PIGO: variants seen among roughly 807,000 people sequenced by gnomAD.
PIGO encodes phosphatidylinositol glycan anchor biosynthesis class O.
Under a neutral mutation model 86.9 loss-of-function variants are expected in PIGO, and 66 were observed. That is an observed-to-expected ratio of 0.76 (90% CI 0.62 to 0.93). The LOEUF is 0.93. Among genes scored for constraint, PIGO ranks in the 40% least tolerant of loss-of-function variants. The probability of loss-of-function intolerance (pLI) is 0.00; values close to 1 mark genes in which losing one functional copy is unlikely to be tolerated. For synonymous variants in PIGO, 570 were observed against 556.4 expected, an observed-to-expected ratio of 1.02 and a Z score of -0.34; for missense variants, 1,202 against 1,359.1, an observed-to-expected ratio of 0.88 and a Z score of 1.82.
At chr9:35,090,414 T>C in intron 8 of PIGO, 52 bp downstream of exon 8, 1 of 1,567,396 alleles carries the variant, frequency 6.4e-7, no homozygotes, top group Non-Finnish European at 8.7e-7. Flanking sequence ...GTTTCCTTTC[T>C]TTCCACAAAG....
chr9:35,094,946 A>G, intron 2 of PIGO, 109 bp downstream of exon 2: 1 of 1,415,766 alleles, frequency 7.1e-7, no homozygotes, highest in Non-Finnish European at 9.6e-7. Flanking sequence ...CTGTCCCCCT[A>G]CACCATAATC....
intron 10 of PIGO, 31 bp downstream of exon 10, chr9:35,089,349 C>T (rs371687515): frequency 8.7e-6 from 14 of 1,614,070 alleles, no homozygotes; most frequent in Non-Finnish European, 1.0e-5. Flanking sequence ...TCCCTCCCCA[C>T]CACCTCTACT....
chr9:35,092,154 C>T lies in PIGO; in HGVS notation c.1733G>A (p.Gly578Asp), dbSNP rs1166648520. 5 of 1,614,054 alleles carry T rather than the reference C, an allele frequency of 3.1e-6. No homozygotes were observed. The African/African-American group carries it at 6.7e-5, about 22-fold the overall frequency. ...GACAACCAGGAGCAGGATGAATGAG[C>T]CCAAAAGGAAGGGGGTGGCCCTGGC... ...AEARATPFLL[G>D]SFILLLVVQL... Residue 578 changes from glycine to aspartate, a missense_variant, in exon 7 of 11, where the codon GGC becomes GAC. Coordinates refer to ENST00000378617, the MANE Select transcript of PIGO (RefSeq NM_032634.4).
At position 35,093,403 on chromosome 9, in the gene PIGO, G is replaced by A. The variant is rs1173858609; in HGVS notation, c.939+18C>T. The A allele has an allele frequency of 3.1e-6, 5 of 1,613,738 alleles. No homozygotes were observed. The highest frequency in any genetic ancestry group is 3.3e-5 in the Admixed American group (2 of 59,962). On this transcript the variant is annotated intron_variant, in intron 5 of 10. Transcript: ENST00000378617. ...GCTGATTACTGGGAGAACAGATGAG[G>A]AACATCCCAGGCCTCACCTCTGGTG...
chr9:35,094,338 C>T lies in PIGO; in HGVS notation c.533G>A (p.Gly178Glu), dbSNP rs1178201945. The T allele has an allele frequency of 3.1e-6, 5 of 1,606,048 alleles. No individual in the cohort carries two copies. The African/African-American group carries it at 5.4e-5, about 17-fold the overall frequency. The part of the protein sequence containing the change: ...TSAGRRVVFM[G>E]DDTWKDLFPG... ...GAAAAGGTCTTTCCAGGTATCATCTCCCATGAAGACTACACGCCTTCCTGC... is the reference window on the plus strand; with the variant it reads ...GAAAAGGTCTTTCCAGGTATCATCTTCCATGAAGACTACACGCCTTCCTGC... Residue 178 changes from glycine to glutamate, a missense_variant, in exon 3 of 11, where the codon GGA becomes GAA. Gly to Glu is a moderately conservative substitution (Grantham distance 98). Coordinates refer to ENST00000378617, the MANE Select transcript of PIGO (RefSeq NM_032634.4).
At chr9:35,090,740 A>G (rs189418690) in intron 7 of PIGO, 68 bp from the exon 8 acceptor site, 73 of 1,443,562 alleles carry the variant, frequency 5.1e-5, no homozygotes, top group South Asian at 9.9e-5. Flanking sequence ...CTGCTCCACA[A>G]TCATATACTC....
intron 10 of PIGO, 32 bp from the exon 11 acceptor site, chr9:35,089,253 A>C (rs1205010922): frequency 6.2e-7 from 1 of 1,614,164 alleles, no homozygotes; most frequent in East Asian, 2.2e-5. Context: ...CTCAGGCAAC[A>C]GAGTAGGTCT....
At position 35,095,387 on chromosome 9, in the gene PIGO, GC is replaced by G. The variant is rs1378962389; in HGVS notation, c.178del (p.Ala60ProfsTer15). On this transcript the variant is annotated frameshift_variant, in exon 2 of 11. Coordinates refer to ENST00000378617, the MANE Select transcript of PIGO (RefSeq NM_032634.4). LOFTEE classifies it high-confidence loss of function. Reference sequence around the variant, plus strand: ...CGAAAATCGGGAAGCCATCCAGCAGGCCCCAGGTTTCCCTTGGCTCCCCCAT... The same window carrying G: ...CGAAAATCGGGAAGCCATCCAGCAGGCCCAGGTTTCCCTTGGCTCCCCCAT... ...LPWGSQGKPGACWMASRFSRV... is the reference protein window; with the variant it reads ...LPWGSQGKPGXCWMASRFSRV... The G allele has an allele frequency of 6.2e-7, 1 of 1,614,020 alleles. No individual in the cohort carries two copies. The highest frequency in any genetic ancestry group is 1.3e-5 in the African/African-American group (1 of 74,920).
Position 35,093,724 on chromosome 9 carries a change from G to A in PIGO, c.780-144C>T, listed in dbSNP as rs554906045. ...ACCTTTGGCAAAGAGACATGTCTTC[G>A]GCCATGATCCTGATGCCCAAAGCTA... On this transcript the variant is annotated intron_variant, in intron 4 of 10. Transcript: ENST00000378617. 7.6e-4 allele frequency: 1,077 copies of A among 1,419,522 alleles called. 7 individuals carry two copies. Among genetic ancestry groups the A allele is most frequent in the South Asian group, 4.4e-3 (308 of 69,940 alleles). The allele number at this position is 1,419,522 out of a possible 1,614,324, so 87.9% of individuals were successfully genotyped here. A position where few individuals can be genotyped will look rare whatever the true frequency, so the allele number is the denominator to read the frequency against.
At chr9:35,095,032 C>G in intron 2 of PIGO, 23 bp downstream of exon 2, 2 of 1,542,424 alleles carry the variant, frequency 1.3e-6, no homozygotes, top group Non-Finnish European at 8.7e-7. Flanking sequence ...GTACTTCTGG[C>G]CTTCAAAGTG....
At chr9:35,091,105 A>C in intron 7 of PIGO, 135 bp downstream of exon 7, 2 of 1,009,782 alleles carry the variant, frequency 2.0e-6, no homozygotes, top group Non-Finnish European at 2.8e-6. Context: ...GACACCAAGA[A>C]GACCTTCCTA....
intron 7 of PIGO, 126 bp from the exon 8 acceptor site, chr9:35,090,798 C>T: frequency 1.1e-6 from 1 of 888,538 alleles, no homozygotes; most frequent in South Asian, 1.8e-5. Flanking sequence ...GCCTATCAGC[C>T]CAACCTCCTT....
chr9:35,090,395 A>C, intron 8 of PIGO, 71 bp downstream of exon 8: 1 of 1,551,754 alleles, frequency 6.4e-7, no homozygotes, highest in Admixed American at 1.9e-5. Flanking sequence ...TCTCCATTCA[A>C]ATCCAGGGGT....
chr9:35,092,420 C>A lies in PIGO; in HGVS notation c.1467G>T (p.Trp489Cys). 1 of 1,614,242 alleles carries A rather than the reference C, an allele frequency of 6.2e-7. No individual in the cohort carries two copies. Among genetic ancestry groups the A allele is most frequent in the Non-Finnish European group, 8.5e-7 (1 of 1,180,048 alleles). ...CATACGCTATGGCCCCAACCAGGCC[C>A]CAGGCCACAGGTGTCAGGAGTAGAG... is the stretch of plus-strand genomic sequence containing the variant. Reference protein sequence around the residue: ...FCPLLLTPVAWGLVGAIAYAG... With the variant: ...FCPLLLTPVACGLVGAIAYAG... Residue 489 changes from tryptophan (W) to cysteine (C), a missense_variant, in exon 7 of 11, where the codon TGG becomes TGT. Physicochemically the swap from Trp to Cys is radical, Grantham distance 215. Coordinates refer to ENST00000378617, the MANE Select transcript of PIGO (RefSeq NM_032634.4).
Position 35,093,102 on chromosome 9 carries a change from T to C in PIGO, c.1047A>G (p.Ser349=), listed in dbSNP as rs1829509958. 1 of 1,614,100 alleles carries C rather than the reference T, an allele frequency of 6.2e-7. No homozygotes were observed. The highest frequency in any genetic ancestry group is 8.5e-7 in the Non-Finnish European group (1 of 1,179,992). ...NIGEVMAELF[S]GGEDSQPHSS... is the part of the protein sequence containing the mutation. The stretch of plus-strand genomic sequence containing the variant: ...AGTGGGGCTGGGAGTCCTCACCCCC[T>C]GAGAATAGCTCAGCCATCACTTCCC... Residue 349 remains serine, a synonymous_variant, in exon 6 of 11, where the codon TCA becomes TCG. Transcript: ENST00000378617.
In PIGO at chr9:35,092,393, A is replaced by T; in HGVS notation, c.1494T>A (p.Ala498=). The T allele has an allele frequency of 6.2e-7, 1 of 1,614,256 alleles. No homozygotes were observed. The highest frequency in any genetic ancestry group is 8.5e-7 in the Non-Finnish European group (1 of 1,180,038). Residue 498 remains alanine, a synonymous_variant, in exon 7 of 11, where the codon GCT becomes GCA. Transcript: ENST00000378617. ...TCAGCTCAATAGTTCCCAGGAGTCC[A>T]GCATACGCTATGGCCCCAACCAGGC... ...AWGLVGAIAY[A]GLLGTIELKL...
chr9:35,093,790 G>A (rs1242307175), intron 4 of PIGO, 111 bp downstream of exon 4: 3 of 1,515,582 alleles, frequency 2.0e-6, no homozygotes, highest in Non-Finnish European at 2.7e-6. Flanking sequence ...TCTAGCTTCA[G>A]CAGAAGGCCT....
At position 35,093,180 on chromosome 9, in the gene PIGO, A is replaced by G; in HGVS notation, c.969T>C (p.Leu323=). 1 of 1,613,716 alleles carries G rather than the reference A, an allele frequency of 6.2e-7. No homozygotes were observed. The change falls in exon 6 of 11, where the codon CTT becomes CTC. Residue 323 remains leucine (L), a synonymous_variant. Transcript: ENST00000378617. ...CCAGCAGCAGGGCCAGCGTGGGCAC[A>G]AGGCTAACTTGAGGAATCACCTCTG... ...EEPEVIPQVS[L]VPTLALLLGL...
chr9:35,094,274 G>A lies in PIGO; in HGVS notation c.597C>T (p.Phe199=), dbSNP rs2131081626. 1.2e-6 allele frequency: 2 copies of A among 1,607,982 alleles called. No individual in the cohort carries two copies. Among genetic ancestry groups the A allele is most frequent in the South Asian group, 1.1e-5 (1 of 90,394 alleles). Residue 199 remains phenylalanine (F), a synonymous_variant, in exon 3 of 11, where the codon TTC becomes TTT. Transcript: ENST00000378617. The part of the protein sequence containing the change: ...AFSKAFFFPS[F]NVRDLDTVDN... ...CCACTGTGTCTAGGTCTCTGACATT[G>A]AAGGATGGGAAGAAGAAAGCTTTGG...
Sources: gnomAD v4.1 joint callset for allele counts on GRCh38, gnomAD v4.1.1 for gene constraint, MANE v1.5 for transcripts, NCBI Gene and HGNC (gene_info 2026-07-23, HGNC 2026-07-21) for gene names.